TRPC1: variants seen among roughly 807,000 people sequenced by gnomAD.
TRPC1 encodes the protein short transient receptor potential channel 1.
In TRPC1, 42 loss-of-function variants were observed where a neutral mutation model predicts 88.2. The observed-to-expected ratio is 0.48, with a 90% CI of 0.37 to 0.62. TRPC1 has a LOEUF of 0.62. Among genes scored for constraint, TRPC1 ranks in the 20% least tolerant of loss-of-function variants. The pLI is 0.00. For synonymous variants in TRPC1, 288 were observed against 331.8 expected (o/e 0.87, Z 1.43); for missense variants, 699 against 957.3 (o/e 0.73, Z 3.56).
chr3:142,806,525 T>G lies in TRPC1; in HGVS notation c.*290T>G, dbSNP rs1470284946. ...TAGTGCTTTAAAATGTTTTTTTTTATGTTTAAGAGGGGCAGTTATAAATGG... is the reference window on the plus strand; with the variant it reads ...TAGTGCTTTAAAATGTTTTTTTTTAGGTTTAAGAGGGGCAGTTATAAATGG... On this transcript the variant is annotated 3_prime_UTR_variant, in exon 13 of 13. Coordinates refer to ENST00000476941, the MANE Select transcript of TRPC1 (RefSeq NM_001251845.2). 2 of 207,824 alleles carry G rather than the reference T, an allele frequency of 9.6e-6. No individual in the cohort carries two copies. The highest frequency in any genetic ancestry group is 4.7e-5 in the African/African-American group (2 of 42,750). The allele number at this position is 207,824 out of a possible 1,614,324, so 12.9% of individuals were successfully genotyped here. A position where few individuals can be genotyped will look rare whatever the true frequency, so the allele number is the denominator to read the frequency against.
At position 142,767,007 on chromosome 3, in the gene TRPC1, T is replaced by C. The variant is rs1466280093; in HGVS notation, c.633-10625T>C. Among the ~76,000 whole-genome samples the C allele has an allele frequency of 2.0e-5, 3 of 152,194 alleles. No homozygotes were observed. The highest frequency in any genetic ancestry group is 7.2e-5 in the African/African-American group (3 of 41,448). On this transcript the variant is annotated intron_variant, in intron 4 of 12. Transcript: ENST00000476941. The surrounding 1 kb of genome is among the most constrained non-coding windows in gnomAD (Gnocchi z 5.1). ...TTTTTACAAAAACATCTGCTTAGATTTTTGAGAGAGATTGTGTTGAATCAT... is the reference window on the plus strand; with the variant it reads ...TTTTTACAAAAACATCTGCTTAGATCTTTGAGAGAGATTGTGTTGAATCAT...
intron 4 of TRPC1, among the ~76,000 whole-genome samples, chr3:142,760,925 T>C (rs1422681433): frequency 6.6e-6 from 1 of 152,208 alleles, no homozygotes; most frequent in Non-Finnish European, 1.5e-5. Context: ...TTGACATTTG[T>C]ATGTTGATTT....
At chr3:142,735,383 GTTTA>G (rs1220150718) in intron 1 of TRPC1, among the ~76,000 whole-genome samples, 3 of 151,862 alleles carry the variant, frequency 2.0e-5, no homozygotes, top group African/African-American at 7.3e-5. Flanking sequence ...TTCTTTCCCT[GTTTA>G]TTTATAGACT....
intron 7 of TRPC1, among the ~76,000 whole-genome samples, chr3:142,786,059 G>T (rs138211152): frequency 8.9e-4 from 136 of 152,210 alleles, no homozygotes; most frequent in African/African-American, 3.1e-3. Context: ...CCTTCTGTGT[G>T]TCGGGGTGCG....
chr3:142,771,491 G>A (rs960314445), intron 4 of TRPC1, among the ~76,000 whole-genome samples: 4 of 151,964 alleles, frequency 2.6e-5, no homozygotes, highest in African/African-American at 9.7e-5. Context: ...ATTTATACCA[G>A]CTTAATGCCA....
chr3:142,775,562 T>C (rs919447321), intron 4 of TRPC1, among the ~76,000 whole-genome samples: 3 of 152,100 alleles, frequency 2.0e-5, no homozygotes, highest in Non-Finnish European at 4.4e-5. Flanking sequence ...GAGGCTGCAG[T>C]GAGCAAAAGT....
intron 4 of TRPC1, among the ~76,000 whole-genome samples, chr3:142,754,089 C>CAAAA (rs10609600): frequency 9.3e-5 from 8 of 86,098 alleles, no homozygotes; most frequent in East Asian, 3.3e-4. Context: ...GACTCCGTCT[C>CAAAA]AAAAAAAAAA....
chr3:142,734,823 A>G (rs1560091914), intron 1 of TRPC1, among the ~76,000 whole-genome samples: 1 of 152,176 alleles, frequency 6.6e-6, no homozygotes, highest in Non-Finnish European at 1.5e-5. Context: ...AGTCCTAAGC[A>G]GAATAAATAA....
rs1301122731 is a variant in TRPC1 at position 142,807,685 on chromosome 3, A to G, written c.*1450A>G. 1 of 152,182 alleles carries G rather than the reference A, an allele frequency of 6.6e-6. No individual in the cohort carries two copies. Among genetic ancestry groups the G allele is most frequent in the African/African-American group, 2.4e-5 (1 of 41,446 alleles). 9.4% of individuals were successfully genotyped at this position (152,182 alleles called of 1,614,324 possible). On this transcript the variant is annotated 3_prime_UTR_variant, in exon 13 of 13. Transcript: ENST00000476941. ...ATAAAAATGTTTATTGTAAAGTTAT[A>G]TATTTTGTCTACGATGGGATTATGC... is the stretch of plus-strand genomic sequence containing the variant.
intron 1 of TRPC1, among the ~76,000 whole-genome samples, chr3:142,729,034 A>G (rs1230152798): frequency 6.6e-6 from 1 of 152,226 alleles, no homozygotes; most frequent in Non-Finnish European, 1.5e-5. Context: ...CATAGCATTT[A>G]TGTACTTTAT....
chr3:142,787,087 C>T (rs1010780123), intron 7 of TRPC1, among the ~76,000 whole-genome samples: 2 of 152,190 alleles, frequency 1.3e-5, no homozygotes, highest in Admixed American at 1.3e-4. Flanking sequence ...CCCCCTTACA[C>T]ACATAATATG....
intron 2 of TRPC1, among the ~76,000 whole-genome samples, chr3:142,742,676 G>C (rs528030766): frequency 1.3e-5 from 2 of 152,092 alleles, no homozygotes; most frequent in African/African-American, 2.4e-5. Flanking sequence ...CATTTTCTTA[G>C]ATTAAATCAT....
chr3:142,767,693 GA>G lies in TRPC1; in HGVS notation c.633-9936del, dbSNP rs1289310550. Among the ~76,000 whole-genome samples the G allele has an allele frequency of 6.6e-6, 1 of 151,020 alleles. No homozygotes were observed. The highest frequency in any genetic ancestry group is 2.4e-5 in the African/African-American group (1 of 41,272). On this transcript the variant is annotated intron_variant, in intron 4 of 12. Transcript: ENST00000476941. This position sits in a 1 kb window ranked among gnomAD's most constrained non-coding sequence, Gnocchi z 5.1. ...ACAAAGTTGTGCATCACTTCAAAAA[GA>G]AACCCTATATTCATTAGCAGTCACT...
rs1232735568 is a variant in TRPC1, at chr3:142,807,747, C to A, written c.*1512C>A. On this transcript the variant is annotated 3_prime_UTR_variant, in exon 13 of 13. Transcript: ENST00000476941. Reference sequence around the variant, plus strand: ...GGGATTTTACATCTGGATTTTTAGTCATTCTAAAAAACACCTAATTATTAA... The same window carrying A: ...GGGATTTTACATCTGGATTTTTAGTAATTCTAAAAAACACCTAATTATTAA... 1 of 152,006 alleles carries A rather than the reference C, an allele frequency of 6.6e-6. No homozygotes were observed. The highest frequency in any genetic ancestry group is 1.9e-4 in the East Asian group (1 of 5,194). 9.4% of individuals were successfully genotyped at this position (152,006 alleles called of 1,614,324 possible).
intron 1 of TRPC1, among the ~76,000 whole-genome samples, chr3:142,733,325 A>T (rs1934004204): frequency 6.6e-6 from 1 of 152,164 alleles, no homozygotes; most frequent in Admixed American, 6.5e-5. Flanking sequence ...CAGGCTAGCC[A>T]ACATGGTGAA....
Position 142,784,517 on chromosome 3 carries a change from T to G in TRPC1, c.961-187T>G, listed in dbSNP as rs560718394. Reference sequence around the variant, plus strand: ...CAGATTTGAATCTAGGTAATCTGGCTCCATAGTCTATCCTCTTAACCTCTA... The same window carrying G: ...CAGATTTGAATCTAGGTAATCTGGCGCCATAGTCTATCCTCTTAACCTCTA... On this transcript the variant is annotated intron_variant, in intron 6 of 12. Coordinates refer to ENST00000476941, the MANE Select transcript of TRPC1 (RefSeq NM_001251845.2). 1.1e-4 allele frequency among the ~76,000 whole-genome samples: 16 copies of G among 152,298 alleles called. No homozygotes were observed. In the East Asian group the frequency reaches 2.9e-3, roughly 28 times the overall value.
At chr3:142,732,800 G>A (rs1933974410) in intron 1 of TRPC1, among the ~76,000 whole-genome samples, 1 of 152,150 alleles carries the variant, frequency 6.6e-6, no homozygotes, top group African/African-American at 2.4e-5. Context: ...TGTAACTCTT[G>A]AAAGCAACTT....
At chr3:142,777,817 G>A (rs1935834203) in intron 5 of TRPC1, 54 bp downstream of exon 5, 7 of 1,516,718 alleles carry the variant, frequency 4.6e-6, no homozygotes, top group Non-Finnish European at 5.4e-6. Context: ...TTCAACCTCA[G>A]TTTCTTCATT....
At chr3:142,730,015 C>G (rs1455601073) in intron 1 of TRPC1, among the ~76,000 whole-genome samples, 2 of 151,902 alleles carry the variant, frequency 1.3e-5, no homozygotes, top group African/African-American at 4.8e-5. Context: ...ACATATTGGC[C>G]AGTAATATAT....
Sources: allele counts gnomAD v4.1 joint callset (sites outside exome capture counted in the v4.1 genomes callset), GRCh38; gene constraint gnomAD v4.1.1; non-coding constraint Gnocchi (gnomAD v3.1); transcripts MANE v1.5; gene names NCBI Gene and HGNC (gene_info 2026-07-23, HGNC 2026-07-21).